YEATS4: variants seen among roughly 807,000 people sequenced by gnomAD.
YEATS4 encodes YEATS domain containing 4, also known as YEATS domain-containing protein 4.
YEATS4 carries 17 observed loss-of-function variants against 30.1 expected under a neutral mutation model. The observed-to-expected ratio is 0.56, with a 90% CI of 0.39 to 0.85. The LOEUF is 0.85. Among genes scored for constraint, YEATS4 ranks in the 40% least tolerant of loss-of-function variants. The pLI is 0.00. For synonymous variants in YEATS4, 85 were observed against 87.5 expected (o/e 0.97, Z 0.16); for missense variants, 142 against 268.3 (o/e 0.53, Z 3.29).
intron 6 of YEATS4, among the ~76,000 whole-genome samples, chr12:69,375,240 A>G (rs989170524): frequency 1.3e-5 from 2 of 150,528 alleles, no homozygotes; most frequent in Admixed American, 1.3e-4. Flanking sequence ...GCGGCGGGGC[A>G]GAGACACTCC....
intron 2 of YEATS4, among the ~76,000 whole-genome samples, chr12:69,364,554 TGAG>T (rs1875355626): frequency 1.3e-5 from 2 of 152,120 alleles, no homozygotes; most frequent in South Asian, 2.1e-4. Flanking sequence ...ATAAAGAAAA[TGAG>T]GAGTTTTTGT....
At chr12:69,365,732 A>C (rs765698433) in intron 3 of YEATS4, 33 bp downstream of exon 3, 2 of 1,604,564 alleles carry the variant, frequency 1.2e-6, no homozygotes, top group South Asian at 2.2e-5. Flanking sequence ...ACAATATCCA[A>C]AGTTAAAAAT....
At chr12:69,375,510 G>A (rs1875833596) in intron 6 of YEATS4, among the ~76,000 whole-genome samples, 1 of 152,176 alleles carries the variant, frequency 6.6e-6, no homozygotes, top group Non-Finnish European at 1.5e-5. Context: ...TGGCGGCCGG[G>A]CAGAGGCTGT....
intron 2 of YEATS4, 59 bp from the exon 3 acceptor site, chr12:69,365,574 A>AT (rs377406980): frequency 4.6e-5 from 57 of 1,249,708 alleles, no homozygotes; most frequent in Middle Eastern, 2.5e-4. Flanking sequence ...CGCTCAGTGT[A>AT]TTTTTTTTCC....
At chr12:69,380,555 A>G (rs1242084005) in intron 6 of YEATS4, among the ~76,000 whole-genome samples, 1 of 152,112 alleles carries the variant, frequency 6.6e-6, no homozygotes, top group East Asian at 1.9e-4. Context: ...TCAGACTTGA[A>G]GCCAGCACAT....
At chr12:69,397,752 C>T in the YEATS4 span, among the ~76,000 whole-genome samples, 2 of 152,044 alleles carry the variant, frequency 1.3e-5, no homozygotes, top group African/African-American at 2.4e-5. Flanking sequence ...CACAGACACT[C>T]ACAGAAGGAA....
At position 69,365,839 on chromosome 12, in the gene YEATS4, C is replaced by T. The variant is rs757933653; in HGVS notation, c.288C>T (p.Phe96=). Residue 96 remains phenylalanine (F), a synonymous_variant, in exon 4 of 7, where the codon TTC becomes TTT. Transcript: ENST00000247843. Reference sequence around the variant, plus strand: ...TTACTGAAACAGGATGGGGTGAATTCGAAATAATCATCAAAATATTTTTCA... The same window carrying T: ...TTACTGAAACAGGATGGGGTGAATTTGAAATAATCATCAAAATATTTTTCA... ...YEITETGWGE[F]EIIIKIFFID... 1.1e-5 allele frequency: 18 copies of T among 1,608,926 alleles called. No homozygotes were observed. The highest frequency in any genetic ancestry group is 4.0e-5 in the African/African-American group (3 of 74,554).
chr12:69,398,805 A>ACTCCGTCCC, the YEATS4 span, among the ~76,000 whole-genome samples: 1 of 136,386 alleles, frequency 7.3e-6, no homozygotes, highest in East Asian at 2.0e-4. Flanking sequence ...ACAGAACAAG[A>ACTCCGTCCC]CCCTGTCTCA....
At chr12:69,374,957 G>A (rs1405484674) in intron 6 of YEATS4, among the ~76,000 whole-genome samples, 12 of 151,520 alleles carry the variant, frequency 7.9e-5, no homozygotes, top group East Asian at 5.9e-4. Context: ...CAGGGTGGCC[G>A]GGCAGGGGCG....
intron 1 of YEATS4, among the ~76,000 whole-genome samples, chr12:69,361,136 T>TG (rs1875185634): frequency 6.6e-6 from 1 of 151,768 alleles, no homozygotes; most frequent in African/African-American, 2.4e-5. Flanking sequence ...AGGCGGAAGT[T>TG]GCAGTGAGCT....
the YEATS4 span, among the ~76,000 whole-genome samples, chr12:69,416,265 C>A: frequency 6.6e-6 from 1 of 152,176 alleles, no homozygotes; most frequent in Non-Finnish European, 1.5e-5. Context: ...AAACAACAAA[C>A]AACTTAGAGG....
At chr12:69,373,425 A>G (rs1457438201) in intron 6 of YEATS4, among the ~76,000 whole-genome samples, 1 of 152,112 alleles carries the variant, frequency 6.6e-6, no homozygotes, top group Non-Finnish European at 1.5e-5. Context: ...CCTGTTTGCC[A>G]TTTGTATGTC....
chr12:69,376,803 A>G (rs1258011255), intron 6 of YEATS4, among the ~76,000 whole-genome samples: 2 of 152,192 alleles, frequency 1.3e-5, no homozygotes, highest in African/African-American at 4.8e-5. Flanking sequence ...AATGTTTGGT[A>G]AAATTCAACA....
chr12:69,394,774 A>G (rs1253263615), downstream of YEATS4, among the ~76,000 whole-genome samples: 2 of 152,000 alleles, frequency 1.3e-5, no homozygotes, highest in Non-Finnish European at 2.9e-5. Flanking sequence ...TAATTTTTGT[A>G]TATTTTGTAG....
At chr12:69,413,904 T>G in the YEATS4 span, among the ~76,000 whole-genome samples, 1 of 151,156 alleles carries the variant, frequency 6.6e-6, no homozygotes, top group Non-Finnish European at 1.5e-5. Context: ...GAGGTAGCTA[T>G]GCAAACAGCT....
chr12:69,371,147 TC>T (rs1308879513), intron 6 of YEATS4, among the ~76,000 whole-genome samples, 172 bp downstream of exon 6: 1 of 152,202 alleles, frequency 6.6e-6, no homozygotes, highest in Non-Finnish European at 1.5e-5. Flanking sequence ...TTTAAATTGT[TC>T]CCAAGTAGGC....
intron 6 of YEATS4, among the ~76,000 whole-genome samples, chr12:69,379,569 A>G (rs1158398770): frequency 1.5e-5 from 2 of 129,462 alleles, no homozygotes; most frequent in African/African-American, 5.8e-5. Context: ...ACATGCCACC[A>G]CTATGCCCAG....
the YEATS4 span, among the ~76,000 whole-genome samples, chr12:69,411,254 C>T: frequency 2.6e-3 from 403 of 152,246 alleles, 3 homozygotes; most frequent in Non-Finnish European, 4.8e-3. Context: ...CTCAGCCTCC[C>T]GAGTAGCTGG....
At chr12:69,362,982 GTTT>G (rs144560377) in intron 2 of YEATS4, 75 bp downstream of exon 2, 1 of 353,274 alleles carries the variant, frequency 2.8e-6, no homozygotes. Flanking sequence ...ACAACCTGTA[GTTT>G]TTTTTTTTTT....
Sources: gnomAD v4.1 joint callset for allele counts (sites outside exome capture counted in the v4.1 genomes callset) on GRCh38, gnomAD v4.1.1 for gene constraint, MANE v1.5 for transcripts, NCBI Gene and HGNC (gene_info 2026-07-23, HGNC 2026-07-21) for gene names.